IDE: variants seen among roughly 807,000 people sequenced by gnomAD.
IDE encodes insulin-degrading enzyme.
IDE carries 58 observed loss-of-function variants against 133.2 expected under a neutral mutation model. The ratio of observed to expected loss-of-function variants is 0.44; its 90% CI spans 0.35 to 0.54. The LOEUF is 0.54. IDE is among the 20% of genes least tolerant of loss of function. The pLI is 0.00. For missense variants in IDE, 981 were observed against 1,234.0 expected (o/e 0.79, Z 3.07); for synonymous variants, 396 against 421.3 (o/e 0.94, Z 0.73).
chr10:92,572,867 CCA>C (rs759217589), intron 1 of IDE: 72 of 984,622 alleles, frequency 7.3e-5, no homozygotes, highest in Non-Finnish European at 8.3e-5. Flanking sequence ...ATCTCTGGCC[CCA>C]CACACTACCC....
intron 7 of IDE, among the ~76,000 whole-genome samples, chr10:92,508,465 G>A (rs1246701502): frequency 7.5e-6 from 1 of 133,432 alleles, no homozygotes; most frequent in Non-Finnish European, 1.7e-5. Context: ...TCTAATCCCA[G>A]CACTTTAGGA....
chr10:92,454,177 CATTGTT>C lies in IDE; in HGVS notation c.*261_*266del. 3.6e-6 allele frequency: 1 copy of C among 280,968 alleles called. No individual in the cohort carries two copies. Among genetic ancestry groups the C allele is most frequent in the Non-Finnish European group, 6.8e-6 (1 of 147,858 alleles). The allele number at this position is 280,968 out of a possible 1,614,324, so 17.4% of individuals were successfully genotyped here. ...CTATAGGAATATCATTCATTTTAAG[CATTGTT>C]ATATTGGGGAAATTTCTCTCAGTAA... On this transcript the variant is annotated 3_prime_UTR_variant, in exon 25 of 25. Transcript: ENST00000265986.
intron 4 of IDE, among the ~76,000 whole-genome samples, chr10:92,524,479 ATATAT>A (rs1324201536): frequency 3.1e-5 from 2 of 64,974 alleles, no homozygotes; most frequent in African/African-American, 1.4e-4. Flanking sequence ...AATATATAAT[ATATAT>A]TATATTATAA....
chr10:92,455,673 G>A lies in IDE; in HGVS notation c.2897-30C>T, dbSNP rs200909421. ...AAGAAAATAAAAGGTTTAATACTTT[G>A]TACTTATTGATACTATCACAAAAGA... On this transcript the variant is annotated intron_variant, in intron 23 of 24. Transcript: ENST00000265986. 76 of 1,234,342 alleles carry A rather than the reference G, an allele frequency of 6.2e-5. No individual in the cohort carries two copies. In the East Asian group the frequency reaches 1.8e-3, roughly 29 times the overall value. The allele number at this position is 1,234,342 out of a possible 1,614,324, so 76.5% of individuals were successfully genotyped here.
chr10:92,492,128 C>T (rs1323528601), intron 11 of IDE, among the ~76,000 whole-genome samples: 1 of 151,686 alleles, frequency 6.6e-6, no homozygotes, highest in Admixed American at 6.6e-5. Flanking sequence ...GGTGTGGTGG[C>T]GGGTGCCTAT....
In IDE at chr10:92,453,271, AAT is replaced by A. The variant is rs1442375127; in HGVS notation, c.*1171_*1172del. The A allele has an allele frequency of 1.3e-5, 2 of 152,162 alleles. No homozygotes were observed. Among genetic ancestry groups the A allele is most frequent in the Non-Finnish European group, 2.9e-5 (2 of 68,024 alleles). 9.4% of individuals were successfully genotyped at this position (152,162 alleles called of 1,614,324 possible). A position where few individuals can be genotyped will look rare whatever the true frequency, so the allele number is the denominator to read the frequency against. On this transcript the variant is annotated 3_prime_UTR_variant, in exon 25 of 25. Coordinates refer to ENST00000265986, the MANE Select transcript of IDE (RefSeq NM_004969.4). The stretch of plus-strand genomic sequence containing the variant: ...AATCTACAGTAACAATTTCACCTAA[AAT>A]AGTATCTCATGAAAAAAATATTTTT...
intron 17 of IDE, among the ~76,000 whole-genome samples, chr10:92,472,265 A>G (rs935165860): frequency 6.6e-6 from 1 of 152,220 alleles, no homozygotes; most frequent in African/African-American, 2.4e-5. Flanking sequence ...TTAACATGCC[A>G]TCTGACCTAG....
chr10:92,571,881 A>G (rs1167552072), intron 1 of IDE, among the ~76,000 whole-genome samples: 5 of 152,232 alleles, frequency 3.3e-5, no homozygotes, highest in Admixed American at 3.3e-4. Context: ...TATGTACAGT[A>G]GGGCTGATTG....
chr10:92,461,842 C>T (rs1336404876), intron 21 of IDE, among the ~76,000 whole-genome samples: 33 of 151,142 alleles, frequency 2.2e-4, no homozygotes, highest in Middle Eastern at 3.4e-3. Context: ...TTTTTTTTTT[C>T]TTTTTTATAT....
At chr10:92,537,822 T>C (rs982323824) in intron 1 of IDE, among the ~76,000 whole-genome samples, 1 of 152,162 alleles carries the variant, frequency 6.6e-6, no homozygotes, top group African/African-American at 2.4e-5. Flanking sequence ...TTAGACCATG[T>C]GTTGGCCTGT....
intron 1 of IDE, among the ~76,000 whole-genome samples, chr10:92,555,834 C>G (rs145477975): frequency 6.6e-6 from 1 of 152,164 alleles, no homozygotes; most frequent in African/African-American, 2.4e-5. Flanking sequence ...AAGTTCTAAA[C>G]AGACCAATTA....
chr10:92,560,630 A>C (rs1843234249), intron 1 of IDE, among the ~76,000 whole-genome samples: 1 of 151,858 alleles, frequency 6.6e-6, no homozygotes, highest in Non-Finnish European at 1.5e-5. Flanking sequence ...TAAAAATACA[A>C]AAATTAGCCA....
chr10:92,572,936 T>G (rs1009991794), intron 1 of IDE: 1 of 985,320 alleles, frequency 1.0e-6, no homozygotes, highest in Admixed American at 6.1e-5. Flanking sequence ...TCAATTCCCG[T>G]GGCATCCCAA....
At chr10:92,492,665 C>A (rs1434162372) in intron 11 of IDE, among the ~76,000 whole-genome samples, 1 of 152,124 alleles carries the variant, frequency 6.6e-6, no homozygotes, top group African/African-American at 2.4e-5. Context: ...TCTCACCTAC[C>A]CCCAGAGGTT....
chr10:92,549,517 GA>G (rs1404851119), intron 1 of IDE, among the ~76,000 whole-genome samples: 1 of 151,992 alleles, frequency 6.6e-6, no homozygotes, highest in African/African-American at 2.4e-5. Flanking sequence ...AAAGAGAGGA[GA>G]AAAACTGATA....
At chr10:92,487,064 GC>G in intron 13 of IDE, 131 bp downstream of exon 13, 2 of 773,546 alleles carry the variant, frequency 2.6e-6, no homozygotes, top group South Asian at 4.4e-5. Context: ...TCTTTCTGCA[GC>G]TTTTTTGTCA....
chr10:92,507,612 G>C lies in IDE; in HGVS notation c.1208C>G (p.Ala403Gly), dbSNP rs771877473. The change falls in exon 9 of 25, where the codon GCA becomes GGA. Residue 403 changes from alanine to glycine, a missense_variant. This residue lies in a region of IDE where 660 missense variants were observed against 894.7 expected (regional missense o/e 0.74). Coordinates refer to ENST00000265986, the MANE Select transcript of IDE (RefSeq NM_004969.4). Reference protein sequence around the residue: ...HMFQYIQKLRAEGPQEWVFQE... With the variant: ...HMFQYIQKLRGEGPQEWVFQE... ...GAAAACCCATTCTTGAGGTCCTTCTGCACGTAACTTCTGAATGTATTGAAA... is the reference window on the plus strand; with the variant it reads ...GAAAACCCATTCTTGAGGTCCTTCTCCACGTAACTTCTGAATGTATTGAAA... 2 of 1,609,280 alleles carry C rather than the reference G, an allele frequency of 1.2e-6. No individual in the cohort carries two copies. Among genetic ancestry groups the C allele is most frequent in the East Asian group, 4.5e-5 (2 of 44,868 alleles).
At chr10:92,544,590 T>G (rs963958436) in intron 1 of IDE, among the ~76,000 whole-genome samples, 6 of 152,212 alleles carry the variant, frequency 3.9e-5, no homozygotes, top group Non-Finnish European at 7.3e-5. Flanking sequence ...ACTGGTTTAT[T>G]CTCCAGCTCC....
intron 1 of IDE, among the ~76,000 whole-genome samples, chr10:92,571,627 C>G (rs1843791289): frequency 2.0e-5 from 3 of 152,132 alleles, no homozygotes; most frequent in African/African-American, 7.2e-5. Flanking sequence ...TAAAATACAG[C>G]TGAACACAGA....
Sources: gnomAD v4.1 joint callset for allele counts (sites outside exome capture counted in the v4.1 genomes callset) on GRCh38, gnomAD v4.1.1 for gene constraint, gnomAD v4.1.1 regional missense constraint, MANE v1.5 for transcripts, NCBI Gene and HGNC (gene_info 2026-07-23, HGNC 2026-07-21) for gene names.